The following TMEM132B variants were observed in gnomAD, a reference collection of about 807,000 sequenced individuals.
TMEM132B encodes transmembrane protein 132B.
A neutral mutation model predicts 90.8 loss-of-function variants in TMEM132B; 18 were observed. That is an observed-to-expected ratio of 0.20 (90% CI 0.14 to 0.29). The LOEUF is 0.29. TMEM132B is among the 10% of genes least tolerant of loss of function. The pLI, the probability that TMEM132B is intolerant of heterozygous loss-of-function variation, is 1.00. For missense variants in TMEM132B, 1,096 were observed against 1,326.8 expected (o/e 0.83, Z 2.70); for synonymous variants, 504 against 523.3 (o/e 0.96, Z 0.50).
At chr12:125,653,023 A>AT (rs1430405782) in intron 8 of TMEM132B, among the ~76,000 whole-genome samples, 1 of 152,250 alleles carries the variant, frequency 6.6e-6, no homozygotes, top group African/African-American at 2.4e-5. Flanking sequence ...ACTGTTTACA[A>AT]TAAGTATGGT....
At chr12:125,245,421 T>G (rs1874184835) in intron 1 of TMEM132B, among the ~76,000 whole-genome samples, 1 of 118,014 alleles carries the variant, frequency 8.5e-6, no homozygotes, top group African/African-American at 3.2e-5. Flanking sequence ...GTGGCCGAGG[T>G]AAGAACTGTT....
chr12:125,622,686 A>G (rs1886140016), intron 5 of TMEM132B: 3 of 984,902 alleles, frequency 3.0e-6, no homozygotes, highest in East Asian at 1.1e-4. Flanking sequence ...AAGCTCTGCC[A>G]TGTCTTTTCA....
intron 1 of TMEM132B, among the ~76,000 whole-genome samples, chr12:125,304,569 T>A (rs575484622): frequency 1.8e-3 from 270 of 152,290 alleles, no homozygotes; most frequent in Non-Finnish European, 2.9e-3. Context: ...CTCTAATACA[T>A]CTTGAGACAG....
intron 5 of TMEM132B, among the ~76,000 whole-genome samples, chr12:125,619,404 A>G (rs948856264): frequency 5.3e-5 from 8 of 151,622 alleles, no homozygotes; most frequent in African/African-American, 7.3e-5. Context: ...TCACTCTGTC[A>G]CCCAGGCTGG....
At chr12:125,617,995 G>A (rs576793380) in intron 5 of TMEM132B, among the ~76,000 whole-genome samples, 33 of 151,662 alleles carry the variant, frequency 2.2e-4, no homozygotes, top group African/African-American at 7.7e-4. Context: ...ATACCCTTAG[G>A]TTTGAACTTC....
intron 4 of TMEM132B, among the ~76,000 whole-genome samples, chr12:125,536,096 G>C (rs1356906771): frequency 6.6e-6 from 1 of 152,176 alleles, no homozygotes; most frequent in African/African-American, 2.4e-5. Context: ...CCATGTATCA[G>C]CTGGCCCCAA....
Position 125,644,196 on chromosome 12 carries a change from C to G in TMEM132B, c.1558C>G (p.Pro520Ala), listed in dbSNP as rs1190583069. The G allele has an allele frequency of 6.2e-7, 1 of 1,614,104 alleles. No individual in the cohort carries two copies. The change falls in exon 6 of 9, where the codon CCC becomes GCC. Residue 520 changes from proline to alanine, a missense_variant. Physicochemically the swap from Pro to Ala is conservative, Grantham distance 27 (BLOSUM62 -1). Coordinates refer to ENST00000682704, the MANE Select transcript of TMEM132B (RefSeq NM_001366854.1). ...CCAGTTCGAGGTCACTGTCTGGGCA[C>G]CCAGGCTCCCCCTGCAGATTGAGAT... ...TSQFEVTVWAPRLPLQIEISD... is the reference protein window; with the variant it reads ...TSQFEVTVWAARLPLQIEISD...
rs555527350 is a variant in TMEM132B, at chr12:125,534,276, G to A, written c.1293+14651G>A. On this transcript the variant is annotated intron_variant, in intron 4 of 8. Transcript: ENST00000682704. ...TCACGCCTGTAATCCTAACACTTTG[G>A]GAGGCTGAGGCAGGAGGACTGCTTG... Among the ~76,000 whole-genome samples the A allele has an allele frequency of 3.9e-5, 6 of 152,286 alleles. No individual in the cohort carries two copies. The South Asian group carries it at 1.2e-3, about 32-fold the overall frequency.
At chr12:125,310,474 G>A (rs887666312) in intron 1 of TMEM132B, among the ~76,000 whole-genome samples, 2 of 152,206 alleles carry the variant, frequency 1.3e-5, no homozygotes, top group Non-Finnish European at 2.9e-5. Context: ...GAGGTGCAGA[G>A]CTCTTGAGTA....
chr12:125,326,669 G>C, intron 1 of TMEM132B: 1 of 1,606,336 alleles, frequency 6.2e-7, no homozygotes, highest in Non-Finnish European at 8.5e-7. Flanking sequence ...TGTCTGCACC[G>C]GGGGAGGTCG....
intron 2 of TMEM132B, among the ~76,000 whole-genome samples, chr12:125,409,571 T>C (rs1445012363): frequency 7.5e-5 from 9 of 119,588 alleles, no homozygotes; most frequent in African/African-American, 3.0e-4. Context: ...TGGAGTGGAG[T>C]GAGTGGAGTG....
rs546703191 is a variant in TMEM132B, at chr12:125,656,506, T to G, written c.*1796T>G. The G allele has an allele frequency of 6.6e-6, 1 of 152,252 alleles. No homozygotes were observed. The highest frequency in any genetic ancestry group is 2.4e-5 in the African/African-American group (1 of 41,542). The allele number at this position is 152,252 out of a possible 1,614,324, so 9.4% of individuals were successfully genotyped here. ...TTGGGAACAGTGCTGAAATTGCAAG[T>G]GATGTAGGCCTGACCTCCAGAGCCC... On this transcript the variant is annotated 3_prime_UTR_variant, in exon 9 of 9. Coordinates refer to ENST00000682704, the MANE Select transcript of TMEM132B (RefSeq NM_001366854.1).
intron 1 of TMEM132B, among the ~76,000 whole-genome samples, chr12:125,290,713 C>T (rs1875513350): frequency 6.6e-6 from 1 of 152,156 alleles, no homozygotes; most frequent in Non-Finnish European, 1.5e-5. Flanking sequence ...TGCTGATGGG[C>T]ATTTAGGCTG....
intron 2 of TMEM132B, among the ~76,000 whole-genome samples, chr12:125,373,154 G>T (rs541703520): frequency 2.6e-5 from 4 of 152,178 alleles, no homozygotes; most frequent in Non-Finnish European, 5.9e-5. Context: ...TGCGGGCAGG[G>T]ACATGTATCA....
chr12:125,439,195 C>T (rs369186368), intron 3 of TMEM132B, among the ~76,000 whole-genome samples: 6 of 151,484 alleles, frequency 4.0e-5, no homozygotes, highest in African/African-American at 1.5e-4. Context: ...TTTCTAGTTC[C>T]GTGAAGAATG....
At chr12:125,369,197 G>A (rs1253033938) in intron 2 of TMEM132B, among the ~76,000 whole-genome samples, 1 of 152,196 alleles carries the variant, frequency 6.6e-6, no homozygotes, top group African/African-American at 2.4e-5. Flanking sequence ...CAAAGGACAT[G>A]AACTCATCCT....
At chr12:125,547,159 C>T (rs1198407878) in intron 4 of TMEM132B, among the ~76,000 whole-genome samples, 1 of 152,206 alleles carries the variant, frequency 6.6e-6, no homozygotes, top group Non-Finnish European at 1.5e-5. Context: ...GGTGAGGACA[C>T]AGCCAAACCA....
At chr12:125,419,652 C>T (rs755197036) in intron 3 of TMEM132B, among the ~76,000 whole-genome samples, 12 of 152,192 alleles carry the variant, frequency 7.9e-5, no homozygotes, top group South Asian at 2.1e-4. Context: ...TCCCAAATCT[C>T]GTGTCCTCAC....
At chr12:125,229,754 G>T (rs911906732) in intron 1 of TMEM132B, among the ~76,000 whole-genome samples, 1 of 152,228 alleles carries the variant, frequency 6.6e-6, no homozygotes, top group African/African-American at 2.4e-5. Context: ...TCTGTTGGCT[G>T]TGTTTCTGCA....
Sources: allele counts gnomAD v4.1 joint callset (sites outside exome capture counted in the v4.1 genomes callset), GRCh38; gene constraint gnomAD v4.1.1; transcripts MANE v1.5; gene names NCBI Gene and HGNC (gene_info 2026-07-23, HGNC 2026-07-21).